IDE: variants seen among roughly 807,000 people sequenced by gnomAD.
IDE encodes insulin-degrading enzyme.
In IDE, 58 loss-of-function variants were observed where a neutral mutation model predicts 133.2. The ratio of observed to expected loss-of-function variants is 0.44; its 90% CI spans 0.35 to 0.54. IDE has a LOEUF of 0.54. Ranked by LOEUF, IDE falls within the 20% of genes least tolerant of loss-of-function variation. The pLI is 0.00. For missense variants in IDE, 981 were observed against 1,234.0 expected (o/e 0.79, Z 3.07); for synonymous variants, 396 against 421.3 (o/e 0.94, Z 0.73).
chr10:92,488,634 G>A (rs369924725), intron 12 of IDE, among the ~76,000 whole-genome samples: 6 of 152,026 alleles, frequency 3.9e-5, no homozygotes, highest in East Asian at 1.9e-4. Context: ...AAAATTAGCC[G>A]GGTATGGTGG....
At chr10:92,480,292 T>C (rs1846527665) in intron 14 of IDE, among the ~76,000 whole-genome samples, 2 of 152,240 alleles carry the variant, frequency 1.3e-5, no homozygotes, top group Non-Finnish European at 2.9e-5. Context: ...ATGTATTATA[T>C]GCTTACTACA....
intron 1 of IDE, among the ~76,000 whole-genome samples, chr10:92,559,578 A>G (rs1428644916): frequency 6.6e-6 from 1 of 152,180 alleles, no homozygotes; most frequent in Admixed American, 6.6e-5. Context: ...AAATCCATAG[A>G]AAGAAAGATG....
intron 11 of IDE, among the ~76,000 whole-genome samples, chr10:92,497,048 G>C (rs553569378): frequency 5.3e-5 from 8 of 152,336 alleles, no homozygotes; most frequent in Non-Finnish European, 2.9e-5. Flanking sequence ...ACAGTTAACT[G>C]TCAGACTGTC....
chr10:92,523,677 G>A (rs1003416449), intron 4 of IDE, among the ~76,000 whole-genome samples: 11 of 150,324 alleles, frequency 7.3e-5, no homozygotes, highest in Admixed American at 1.3e-4. Flanking sequence ...CTTCAGCATG[G>A]GCGACAAGAG....
At chr10:92,522,823 T>C (rs758473148) in intron 4 of IDE, among the ~76,000 whole-genome samples, 1 of 152,064 alleles carries the variant, frequency 6.6e-6, no homozygotes, top group African/African-American at 2.4e-5. Context: ...TTATTAGAAA[T>C]TAAATAATCC....
chr10:92,486,384 T>A (rs1405703873), intron 13 of IDE, among the ~76,000 whole-genome samples: 1 of 151,946 alleles, frequency 6.6e-6, no homozygotes, highest in Non-Finnish European at 1.5e-5. Flanking sequence ...AAAATGGTTG[T>A]CTCATTAATA....
At chr10:92,530,795 A>T (rs1223101189) in intron 4 of IDE, among the ~76,000 whole-genome samples, 1 of 151,778 alleles carries the variant, frequency 6.6e-6, no homozygotes, top group African/African-American at 2.4e-5. Context: ...ATTTTTGAAA[A>T]CTCCTAATTC....
intron 21 of IDE, among the ~76,000 whole-genome samples, chr10:92,462,825 T>C (rs1328626034): frequency 6.6e-6 from 1 of 152,138 alleles, no homozygotes; most frequent in African/African-American, 2.4e-5. Context: ...TACATGACAA[T>C]AACACTGCTA....
chr10:92,510,288 C>T, intron 5 of IDE, 126 bp from the exon 6 acceptor site: 1 of 443,398 alleles, frequency 2.3e-6, no homozygotes, highest in South Asian at 5.9e-5. Flanking sequence ...AAAATGATTA[C>T]ACCTCACACC....
intron 4 of IDE, among the ~76,000 whole-genome samples, chr10:92,520,665 A>T (rs1377790106): frequency 1.3e-5 from 2 of 152,210 alleles, no homozygotes; most frequent in Non-Finnish European, 2.9e-5. Context: ...AAGCCTTTTG[A>T]TATATGTGAA....
intron 5 of IDE, among the ~76,000 whole-genome samples, chr10:92,511,084 TAAA>T (rs35891632): frequency 0.023 from 2,439 of 108,228 alleles, 42 homozygotes; most frequent in Admixed American, 0.055. Context: ...AAAGCAGTGT[TAAA>T]AAAAAAAAAA....
At chr10:92,513,744 AT>A (rs1459788903) in intron 5 of IDE, among the ~76,000 whole-genome samples, 2 of 151,604 alleles carry the variant, frequency 1.3e-5, no homozygotes, top group African/African-American at 4.8e-5. Flanking sequence ...TTCCCATGGT[AT>A]TAAAATGCTG....
intron 15 of IDE, chr10:92,478,599 T>C: frequency 1.9e-6 from 2 of 1,060,760 alleles, no homozygotes; most frequent in Non-Finnish European, 2.3e-6. Flanking sequence ...CTCAACATAA[T>C]GCTTAAACGG....
intron 1 of IDE, among the ~76,000 whole-genome samples, chr10:92,556,699 A>G (rs1265927519): frequency 2.0e-5 from 3 of 152,148 alleles, no homozygotes; most frequent in African/African-American, 7.2e-5. Context: ...CGGAGGTTGC[A>G]GTGAGCTGAG....
Position 92,475,893 on chromosome 10 carries a change from G to A in IDE, c.1986C>T (p.Ile662=). 1 of 1,334,412 alleles carries A rather than the reference G, an allele frequency of 7.5e-7. No individual in the cohort carries two copies. The highest frequency in any genetic ancestry group is 1.1e-6 in the Non-Finnish European group (1 of 946,250). 82.7% of individuals were successfully genotyped at this position (1,334,412 alleles called of 1,614,324 possible). ...FEIDEKRFEI[I]KEAYMRSLNN... is the part of the protein sequence containing the mutation. ...GGTTCAGAAAACTTACTGCTTCTTT[G>A]ATAATTTCAAATCTTTTTTCATCAA... Residue 662 remains isoleucine, a synonymous_variant, in exon 16 of 25, where the codon ATC becomes ATT. Coordinates refer to ENST00000265986, the MANE Select transcript of IDE (RefSeq NM_004969.4).
chr10:92,463,771 G>A lies in IDE; in HGVS notation c.2721C>T (p.Tyr907=), dbSNP rs1589365913. ...ATTGCTGGGAGATGATTTCTCCCCAGTATTTAGCACACTCAGCAGATAGCT... is the reference window on the plus strand; with the variant it reads ...ATTGCTGGGAGATGATTTCTCCCCAATATTTAGCACACTCAGCAGATAGCT... ...PKKLSAECAK[Y]WGEIISQQYN... Residue 907 remains tyrosine (Y), a synonymous_variant, in exon 21 of 25, where the codon TAC becomes TAT. Transcript: ENST00000265986. The A allele has an allele frequency of 1.2e-6, 2 of 1,614,088 alleles. No homozygotes were observed. Among genetic ancestry groups the A allele is most frequent in the Non-Finnish European group, 8.5e-7 (1 of 1,179,942 alleles).
intron 1 of IDE, among the ~76,000 whole-genome samples, chr10:92,555,497 C>T (rs1337297032): frequency 1.1e-5 from 1 of 91,998 alleles, no homozygotes; most frequent in African/African-American, 4.1e-5. Context: ...AACTTTGTCT[C>T]AAAAAAAAAA....
chr10:92,556,555 C>T (rs972020338), intron 1 of IDE, among the ~76,000 whole-genome samples: 15 of 152,042 alleles, frequency 9.9e-5, no homozygotes, highest in South Asian at 2.1e-4. Context: ...GTCAGGAGTT[C>T]GAGACCAGCC....
At position 92,533,839 on chromosome 10, in the gene IDE, C is replaced by A. The variant is rs558322290; in HGVS notation, c.491+739G>T. 2.6e-5 allele frequency among the ~76,000 whole-genome samples: 4 copies of A among 151,410 alleles called. No individual in the cohort carries two copies. In the East Asian group the frequency reaches 7.8e-4, roughly 30 times the overall value. On this transcript the variant is annotated intron_variant, in intron 3 of 24. Transcript: ENST00000265986. The stretch of plus-strand genomic sequence containing the variant: ...AGGAGTTCGAGACCAGCCTGACCAA[C>A]ATGGTGAAACCCCATCTCTACTAAA...
Sources: gnomAD v4.1 joint callset for allele counts (sites outside exome capture counted in the v4.1 genomes callset) on GRCh38, gnomAD v4.1.1 for gene constraint, MANE v1.5 for transcripts, NCBI Gene and HGNC (gene_info 2026-07-23, HGNC 2026-07-21) for gene names.